MFHAS1: variants seen among roughly 807,000 people sequenced by gnomAD.
The protein encoded by MFHAS1 is malignant fibrous histiocytoma-amplified sequence 1.
In MFHAS1, 50 loss-of-function variants were observed where a neutral mutation model predicts 70.4. The observed-to-expected ratio is 0.71, with a 90% CI of 0.57 to 0.90. The LOEUF (loss-of-function observed/expected upper bound fraction) is 0.90. MFHAS1 is among the 40% of genes least tolerant of loss of function. The pLI, the probability that MFHAS1 is intolerant of heterozygous loss-of-function variation, is 0.00. For synonymous variants in MFHAS1, 952 were observed against 620.0 expected, an observed-to-expected ratio of 1.54 and a Z score of -7.96; for missense variants, 1,795 against 1,347.6, an observed-to-expected ratio of 1.33 and a Z score of -5.20.
At chr8:8,854,919 T>G (rs970077906) in intron 1 of MFHAS1, among the ~76,000 whole-genome samples, 2 of 152,286 alleles carry the variant, frequency 1.3e-5, no homozygotes, top group East Asian at 3.9e-4. Context: ...TGTTTGTTTC[T>G]TTGTTTTTGA....
At position 8,819,019 on chromosome 8, in the gene MFHAS1, G is replaced by A. The variant is rs537951302; in HGVS notation, c.2999-21528C>T. Among the ~76,000 whole-genome samples the A allele has an allele frequency of 2.0e-4, 30 of 152,224 alleles. No homozygotes were observed. In the South Asian group the frequency reaches 5.8e-3, roughly 29 times the overall value. ...ATCTCGAGTCTTTAGTGTTGTTTCT[G>A]GAGTAAAATATTGAAAATAATCAAA... On this transcript the variant is annotated intron_variant, in intron 1 of 2. Transcript: ENST00000276282.
chr8:8,874,693 G>T (rs556580132), intron 1 of MFHAS1, among the ~76,000 whole-genome samples: 3 of 151,552 alleles, frequency 2.0e-5, no homozygotes, highest in African/African-American at 4.8e-5. Context: ...TGTCACCTCT[G>T]TATTTAGAAA....
chr8:8,845,163 A>AT (rs1408877569), intron 1 of MFHAS1, among the ~76,000 whole-genome samples: 1 of 152,200 alleles, frequency 6.6e-6, no homozygotes, highest in Non-Finnish European at 1.5e-5. Context: ...AATCAAGTGG[A>AT]TTTTTTATGT....
At chr8:8,863,713 A>G (rs1020258888) in intron 1 of MFHAS1, among the ~76,000 whole-genome samples, 4 of 152,136 alleles carry the variant, frequency 2.6e-5, no homozygotes, top group Non-Finnish European at 4.4e-5. Flanking sequence ...TGTTTTCACT[A>G]AGAGTCTGGC....
chr8:8,824,521 T>TCTCACACACACACACACA (rs1484537416), intron 1 of MFHAS1, among the ~76,000 whole-genome samples: 3 of 145,912 alleles, frequency 2.1e-5, no homozygotes, highest in Admixed American at 6.7e-5. Flanking sequence ...TCTCTCTCTT[T>TCTCACACACACACACACA]CACACACACA....
At chr8:8,824,238 G>C (rs984890460) in intron 1 of MFHAS1, among the ~76,000 whole-genome samples, 3 of 151,808 alleles carry the variant, frequency 2.0e-5, no homozygotes, top group Non-Finnish European at 4.4e-5. Context: ...AGGATGCCTG[G>C]AGGCCAATCT....
At chr8:8,850,897 A>C (rs913515672) in intron 1 of MFHAS1, among the ~76,000 whole-genome samples, 3 of 150,868 alleles carry the variant, frequency 2.0e-5, no homozygotes, top group Admixed American at 6.6e-5. Flanking sequence ...ACCCTTCAAC[A>C]CTCACGTAAT....
chr8:8,862,149 C>A (rs534431891), intron 1 of MFHAS1, among the ~76,000 whole-genome samples: 2 of 152,318 alleles, frequency 1.3e-5, no homozygotes, highest in East Asian at 3.9e-4. Context: ...CTCCCAAGAG[C>A]AGCGTAGGAA....
rs1053814047 is a variant in MFHAS1, at chr8:8,814,900, T to G, written c.2999-17409A>C. Among the ~76,000 whole-genome samples the G allele has an allele frequency of 2.6e-5, 4 of 151,666 alleles. No individual in the cohort carries two copies. The East Asian group carries it at 7.7e-4, about 29-fold the overall frequency. On this transcript the variant is annotated intron_variant, in intron 1 of 2. Coordinates refer to ENST00000276282, the MANE Select transcript of MFHAS1 (RefSeq NM_004225.3). ...TAGGTTCTGGGGTACATGTACAGGA[T>G]GTGCAGGTTTGTTACATGGGTAAAC... is the stretch of plus-strand genomic sequence containing the variant.
intron 1 of MFHAS1, among the ~76,000 whole-genome samples, chr8:8,858,031 T>C (rs1031352985): frequency 6.6e-6 from 1 of 152,192 alleles, no homozygotes; most frequent in Non-Finnish European, 1.5e-5. Flanking sequence ...TCTGAGACAA[T>C]GACTGGTGTT....
intron 1 of MFHAS1, among the ~76,000 whole-genome samples, chr8:8,816,547 G>A (rs549440661): frequency 5.9e-5 from 9 of 152,242 alleles, no homozygotes; most frequent in East Asian, 1.9e-4. Context: ...AGCGTGCATC[G>A]TTCTGTGAAA....
rs1394756513 is a variant in MFHAS1, at chr8:8,893,255, G to A, written c.-197C>T. 9 of 161,386 alleles carry A rather than the reference G, an allele frequency of 5.6e-5. No individual in the cohort carries two copies. Among genetic ancestry groups the A allele is most frequent in the Non-Finnish European group, 9.2e-5 (7 of 76,464 alleles). 10.0% of individuals were successfully genotyped at this position (161,386 alleles called of 1,614,324 possible). A position where few individuals can be genotyped will look rare whatever the true frequency, so the allele number is the denominator to read the frequency against. Reference sequence around the variant, plus strand: ...GGCGACGCGAGCGGCTCCGGGGGACGCCGAGCGCGTGGAGAGCAGCTTGCA... The same window carrying A: ...GGCGACGCGAGCGGCTCCGGGGGACACCGAGCGCGTGGAGAGCAGCTTGCA... On this transcript the variant is annotated 5_prime_UTR_variant, in exon 1 of 3. Coordinates refer to ENST00000276282, the MANE Select transcript of MFHAS1 (RefSeq NM_004225.3).
Position 8,891,151 on chromosome 8 carries a change from T to C in MFHAS1, c.1908A>G (p.Arg636=). 1 of 1,613,504 alleles carries C rather than the reference T, an allele frequency of 6.2e-7. No individual in the cohort carries two copies. The highest frequency in any genetic ancestry group is 8.5e-7 in the Non-Finnish European group (1 of 1,180,010). ...CTGACAGCAACTTGTCCCGAAGGCG[T>C]CGTAAGTGGCGCGGGTCCCTGCAGC... ...PVSCRDPRHL[R]RLRDKLLSVA... The change falls in exon 1 of 3, where the codon CGA becomes CGG. Residue 636 remains arginine (R), a synonymous_variant. Transcript: ENST00000276282. This position sits in a 1 kb window ranked among gnomAD's most constrained non-coding sequence, Gnocchi z 5.4.
intron 1 of MFHAS1, among the ~76,000 whole-genome samples, chr8:8,842,176 G>A (rs1440179741): frequency 6.6e-6 from 1 of 151,936 alleles, no homozygotes; most frequent in African/African-American, 2.4e-5. Flanking sequence ...TAACTTCACA[G>A]GTCTGATTTT....
At chr8:8,845,583 T>C (rs982026773) in intron 1 of MFHAS1, among the ~76,000 whole-genome samples, 6 of 152,186 alleles carry the variant, frequency 3.9e-5, no homozygotes, top group Admixed American at 3.3e-4. Context: ...CTCCGGGGAA[T>C]GCTTCTTCCT....
chr8:8,838,741 G>T (rs1797013119), intron 1 of MFHAS1, among the ~76,000 whole-genome samples: 1 of 151,582 alleles, frequency 6.6e-6, no homozygotes, highest in African/African-American at 2.4e-5. Context: ...TGAACTGGGA[G>T]GCAGAGGTTG....
intron 1 of MFHAS1, among the ~76,000 whole-genome samples, chr8:8,847,890 C>T (rs531913977): frequency 1.3e-5 from 2 of 152,320 alleles, no homozygotes; most frequent in South Asian, 4.1e-4. Flanking sequence ...CTCAATTTCA[C>T]ACCACAGTTA....
chr8:8,796,250 C>G (rs1316922094), intron 2 of MFHAS1, among the ~76,000 whole-genome samples: 1 of 152,076 alleles, frequency 6.6e-6, no homozygotes, highest in Admixed American at 6.6e-5. Flanking sequence ...AACTGCACAG[C>G]CCTTGATTTT....
chr8:8,879,783 T>C (rs1342863819), intron 1 of MFHAS1, among the ~76,000 whole-genome samples: 1 of 152,322 alleles, frequency 6.6e-6, no homozygotes, highest in Middle Eastern at 3.4e-3. Flanking sequence ...TTTATTTTCC[T>C]AGAACTCCCA....
Sources: allele counts gnomAD v4.1 joint callset (sites outside exome capture counted in the v4.1 genomes callset), GRCh38; gene constraint gnomAD v4.1.1; non-coding constraint Gnocchi (gnomAD v3.1); transcripts MANE v1.5; gene names NCBI Gene and HGNC (gene_info 2026-07-23, HGNC 2026-07-21).